RNF141: variants seen among roughly 807,000 people sequenced by gnomAD.
The protein encoded by RNF141 is ring finger protein 141.
Under a neutral mutation model 27.4 loss-of-function variants are expected in RNF141, and 18 were observed. The observed-to-expected ratio is 0.66, with a 90% CI of 0.45 to 0.97. RNF141 has a LOEUF of 0.97. Among genes scored for constraint, RNF141 ranks in the 50% least tolerant of loss-of-function variants. The pLI is 0.00. For synonymous variants in RNF141, 97 were observed against 96.6 expected, an observed-to-expected ratio of 1.00 and a Z score of -0.02; for missense variants, 230 against 279.4, an observed-to-expected ratio of 0.82 and a Z score of 1.26.
intron 5 of RNF141, chr11:10,515,899 A>G (rs1357666084): frequency 6.6e-6 from 1 of 152,216 alleles, no homozygotes. Flanking sequence ...GAACTCATAT[A>G]TGATCACTTA....
At chr11:10,528,399 G>A (rs756214541) in intron 3 of RNF141, among the ~76,000 whole-genome samples, 3 of 152,034 alleles carry the variant, frequency 2.0e-5, no homozygotes, top group Non-Finnish European at 4.4e-5. Context: ...ATATCTAATT[G>A]CCTGTGCCTT....
chr11:10,514,960 T>A lies in RNF141; in HGVS notation c.649A>T (p.Ile217Phe). ...CCTGCCTCATCAGCCATGTTAAGAA[T>A]ATAGTTAGCCATATCATCTTCAGTG... ...APTEDDMANY[I>F]LNMADEAGQP... is the part of the protein sequence containing the mutation. The change falls in exon 6 of 6, where the codon ATT becomes TTT. Residue 217 changes from isoleucine to phenylalanine, a missense_variant. Ile to Phe is a conservative substitution (Grantham distance 21, BLOSUM62 0). Coordinates refer to ENST00000265981, the MANE Select transcript of RNF141 (RefSeq NM_016422.4). 3 of 1,613,932 alleles carry A rather than the reference T, an allele frequency of 1.9e-6. No homozygotes were observed. The highest frequency in any genetic ancestry group is 2.5e-6 in the Non-Finnish European group (3 of 1,179,920).
intron 3 of RNF141, among the ~76,000 whole-genome samples, chr11:10,527,706 G>A (rs748853248): frequency 4.0e-5 from 6 of 151,734 alleles, no homozygotes; most frequent in Non-Finnish European, 8.9e-5. Context: ...TTGTGATGTG[G>A]AATAGGCTGG....
intron 2 of RNF141, 108 bp from the exon 3 acceptor site, chr11:10,530,859 G>A: frequency 1.8e-6 from 1 of 543,588 alleles, no homozygotes; most frequent in Non-Finnish European, 3.1e-6. Context: ...GAAATATGAA[G>A]AAACACAAAA....
At chr11:10,525,517 T>C (rs1849925418) in intron 3 of RNF141, 144 bp from the exon 4 acceptor site, 4 of 602,284 alleles carry the variant, frequency 6.6e-6, no homozygotes, top group Non-Finnish European at 8.6e-6. Context: ...AGCAAGAGTC[T>C]GAATAAATGA....
chr11:10,539,573 CTTTT>C (rs35522358), intron 1 of RNF141, among the ~76,000 whole-genome samples: 1,795 of 143,952 alleles, frequency 0.012, 19 homozygotes, highest in Non-Finnish European at 0.018. Context: ...CAGATATCAA[CTTTT>C]TTTTTTCAAG....
At chr11:10,536,804 G>A (rs1260115527) in intron 1 of RNF141, among the ~76,000 whole-genome samples, 1 of 152,162 alleles carries the variant, frequency 6.6e-6, no homozygotes, top group African/African-American at 2.4e-5. Flanking sequence ...AGTATAACGG[G>A]GGCAACAAGT....
chr11:10,515,164 T>A (rs146085326), intron 5 of RNF141, 98 bp from the exon 6 acceptor site: 14 of 1,337,826 alleles, frequency 1.0e-5, no homozygotes, highest in Middle Eastern at 2.0e-4. Context: ...AAAAAGGAAA[T>A]AGCATAGAAA....
At chr11:10,536,307 C>G (rs1850034258) in intron 1 of RNF141, among the ~76,000 whole-genome samples, 1 of 152,008 alleles carries the variant, frequency 6.6e-6, no homozygotes, top group South Asian at 2.1e-4. Flanking sequence ...AGCACGGTGA[C>G]TTTGAGGTAA....
intron 4 of RNF141, among the ~76,000 whole-genome samples, chr11:10,524,514 T>C (rs1849915505): frequency 6.6e-6 from 1 of 152,260 alleles, no homozygotes; most frequent in African/African-American, 2.4e-5. Flanking sequence ...GATGTCAACA[T>C]GTTTGGACCC....
At position 10,511,833 on chromosome 11, in the gene RNF141, C is replaced by T. The variant is rs978015207; in HGVS notation, c.*3083G>A. On this transcript the variant is annotated 3_prime_UTR_variant, in exon 6 of 6. Coordinates refer to ENST00000265981, the MANE Select transcript of RNF141 (RefSeq NM_016422.4). ...AAAACAGCACACAAACATCACAAGC[C>T]CCCAGCGCACAATATAAAATAGTTC... The T allele has an allele frequency of 7.9e-5, 12 of 152,428 alleles. No individual in the cohort carries two copies. Among genetic ancestry groups the T allele is most frequent in the Non-Finnish European group, 1.5e-4 (10 of 68,002 alleles). 9.4% of individuals were successfully genotyped at this position (152,428 alleles called of 1,614,324 possible).
At chr11:10,522,323 T>C (rs1234576228) in intron 4 of RNF141, among the ~76,000 whole-genome samples, 4 of 152,114 alleles carry the variant, frequency 2.6e-5, no homozygotes, top group Admixed American at 1.3e-4. Context: ...AAGAAGAGCA[T>C]TGTGGAGAGA....
intron 5 of RNF141, chr11:10,518,720 C>A: frequency 4.4e-6 from 1 of 226,062 alleles, no homozygotes; most frequent in South Asian, 8.3e-5. Context: ...AACACATACA[C>A]AGAATAAATG....
intron 3 of RNF141, among the ~76,000 whole-genome samples, chr11:10,527,702 T>C (rs1359459618): frequency 6.6e-6 from 1 of 152,152 alleles, no homozygotes; most frequent in African/African-American, 2.4e-5. Context: ...CAAATTGTGA[T>C]GTGGAATAGG....
At position 10,515,054 on chromosome 11, in the gene RNF141, G is replaced by GTGT. The variant is rs1849832780; in HGVS notation, c.552_554dup (p.Arg184_His185insGln). On this transcript the variant is annotated inframe_insertion, in exon 6 of 6. Coordinates refer to ENST00000265981, the MANE Select transcript of RNF141 (RefSeq NM_016422.4). Reference sequence around the variant, plus strand: ...GTAGGCGACAAATAGGGCAATTCCTGTGTCGATCACTCCTATTAGAGAAGT... The same window carrying GTGT: ...GTAGGCGACAAATAGGGCAATTCCTGTGTTGTCGATCACTCCTATTAGAGAAGT... The GTGT allele has an allele frequency of 6.2e-7, 1 of 1,613,226 alleles. No homozygotes were observed. The highest frequency in any genetic ancestry group is 1.3e-5 in the African/African-American group (1 of 74,884).
At position 10,539,691 on chromosome 11, in the gene RNF141, C is replaced by CATATATATATATATATATATATAT. The variant is rs1554905298; in HGVS notation, c.-48+1430_-48+1431insATATATATATATATATATATATAT. 1.0e-3 allele frequency among the ~76,000 whole-genome samples: 41 copies of CATATATATATATATATATATATAT among 40,324 alleles called. 7 individuals are homozygous for CATATATATATATATATATATATAT. Among genetic ancestry groups the CATATATATATATATATATATATAT allele is most frequent in the Admixed American group, 4.1e-3 (11 of 2,660 alleles). 26.5% of individuals were successfully genotyped at this position (40,324 alleles called of 152,430 possible). A position where few individuals can be genotyped will look rare whatever the true frequency, so the allele number is the denominator to read the frequency against. ...GATCTTGATCAGAAAAAGATACATA[C>CATATATATATATATATATATATAT]ATATATATTAGAGAGAGAAGGAGAG... is the stretch of plus-strand genomic sequence containing the variant. On this transcript the variant is annotated intron_variant, in intron 1 of 5. Coordinates refer to ENST00000265981, the MANE Select transcript of RNF141 (RefSeq NM_016422.4).
intron 4 of RNF141, among the ~76,000 whole-genome samples, chr11:10,522,518 C>A (rs1207887091): frequency 1.3e-5 from 2 of 152,158 alleles, no homozygotes; most frequent in African/African-American, 4.8e-5. Context: ...GGCACACATA[C>A]TGACAGAGAA....
rs770135379 is a variant in RNF141, at chr11:10,513,297, C to T, written c.*1619G>A. ...GAAATTGATTTGAATTTTATTTGCT[C>T]GCCTATTAAAATCCTACTATCCAGA... On this transcript the variant is annotated 3_prime_UTR_variant, in exon 6 of 6. Transcript: ENST00000265981. 6.6e-6 allele frequency: 1 copy of T among 152,170 alleles called. No individual in the cohort carries two copies. The highest frequency in any genetic ancestry group is 1.5e-5 in the Non-Finnish European group (1 of 68,038). 9.4% of individuals were successfully genotyped at this position (152,170 alleles called of 1,614,324 possible). A position where few individuals can be genotyped will look rare whatever the true frequency, so the allele number is the denominator to read the frequency against.
At chr11:10,516,492 C>CT (rs1241812114) in intron 5 of RNF141, 1 of 152,216 alleles carries the variant, frequency 6.6e-6, no homozygotes, top group Non-Finnish European at 1.5e-5. Flanking sequence ...ACACACAGAG[C>CT]TGAGAATCTT....
Sources: gnomAD v4.1 joint callset for allele counts (sites outside exome capture counted in the v4.1 genomes callset) on GRCh38, gnomAD v4.1.1 for gene constraint, MANE v1.5 for transcripts, NCBI Gene and HGNC (gene_info 2026-07-23, HGNC 2026-07-21) for gene names.